EXD2: variants seen among roughly 807,000 people sequenced by gnomAD.
EXD2 encodes the protein exonuclease 3'-5' domain-containing protein 2.
Under a neutral mutation model 62.5 loss-of-function variants are expected in EXD2, and 40 were observed. The ratio of observed to expected loss-of-function variants is 0.64; its 90% CI spans 0.50 to 0.83. EXD2 has a LOEUF of 0.83. EXD2 is among the 40% of genes least tolerant of loss of function. The pLI, the probability that EXD2 is intolerant of heterozygous loss-of-function variation, is 0.00. For missense variants in EXD2, 671 were observed against 761.8 expected, an observed-to-expected ratio of 0.88 and a Z score of 1.40; for synonymous variants, 239 against 291.9, an observed-to-expected ratio of 0.82 and a Z score of 1.85.
intron 5 of EXD2, among the ~76,000 whole-genome samples, chr14:69,234,404 T>G (rs2043695220): frequency 1.3e-5 from 2 of 152,190 alleles, no homozygotes; most frequent in African/African-American, 4.8e-5. Context: ...TGGTAGTAGA[T>G]AGAAACTTCA....
chr14:69,209,540 C>T lies in EXD2; in HGVS notation c.70C>T (p.Leu24Phe). The T allele has an allele frequency of 8.4e-6, 13 of 1,550,544 alleles. No homozygotes were observed. Among genetic ancestry groups the T allele is most frequent in the Non-Finnish European group, 1.1e-5 (13 of 1,146,966 alleles). The part of the protein sequence containing the change: ...LLGVAVGGFV[L>F]WKGIQRRRRS... ...GGGTGTGGCTGTAGGGGGGTTTGTC[C>T]TCTGGAAAGGCATCCAGCGCCGCCG... Residue 24 changes from leucine (L) to phenylalanine (F), a missense_variant, in exon 3 of 10, where the codon CTC becomes TTC. Leu to Phe is a conservative substitution (Grantham distance 22). Transcript: ENST00000685843.
At chr14:69,238,614 T>TTTC (rs1171726113) in intron 9 of EXD2, among the ~76,000 whole-genome samples, 3 of 152,044 alleles carry the variant, frequency 2.0e-5, no homozygotes, top group Non-Finnish European at 2.9e-5. Context: ...TTTTTTTTTT[T>TTTC]TTCCAAATAG....
At position 69,241,449 on chromosome 14, in the gene EXD2, C is replaced by A. The variant is rs1308722827; in HGVS notation, c.*349C>A. On this transcript the variant is annotated 3_prime_UTR_variant, in exon 10 of 10. Coordinates refer to ENST00000685843, the MANE Select transcript of EXD2 (RefSeq NM_001193360.2). The stretch of plus-strand genomic sequence containing the variant: ...AGACTTAAAAAAAATGTTTTTAATG[C>A]ATTTCTTCCTTGTCTAGTGCCTCGG... 7.4e-6 allele frequency: 2 copies of A among 268,664 alleles called. No individual in the cohort carries two copies. Among genetic ancestry groups the A allele is most frequent in the Non-Finnish European group, 1.4e-5 (2 of 142,302 alleles). 16.6% of individuals were successfully genotyped at this position (268,664 alleles called of 1,614,324 possible). A position where few individuals can be genotyped will look rare whatever the true frequency, so the allele number is the denominator to read the frequency against.
intron 5 of EXD2, among the ~76,000 whole-genome samples, chr14:69,233,596 C>T (rs928159782): frequency 2.6e-5 from 4 of 151,604 alleles, no homozygotes; most frequent in Admixed American, 6.6e-5. Flanking sequence ...CGTGCCACCG[C>T]GCCCAGCTGA....
chr14:69,200,421 G>A (rs1466569166), intron 1 of EXD2, among the ~76,000 whole-genome samples: 2 of 152,074 alleles, frequency 1.3e-5, no homozygotes, highest in East Asian at 3.9e-4. Context: ...GCTAAAATGG[G>A]CCAGGCGTGG....
intron 3 of EXD2, among the ~76,000 whole-genome samples, chr14:69,221,014 A>T (rs1485605763): frequency 1.3e-5 from 2 of 152,048 alleles, no homozygotes; most frequent in Admixed American, 6.5e-5. Context: ...CTACAGGTGC[A>T]TACCACCATG....
chr14:69,194,595 C>T (rs984359244), intron 1 of EXD2, among the ~76,000 whole-genome samples: 10 of 152,122 alleles, frequency 6.6e-5, no homozygotes, highest in Non-Finnish European at 1.2e-4. Context: ...GATTCTCCCC[C>T]ATCAGCCTCC....
chr14:69,217,679 T>A (rs1242225635), intron 3 of EXD2, among the ~76,000 whole-genome samples: 1 of 152,140 alleles, frequency 6.6e-6, no homozygotes, highest in Non-Finnish European at 1.5e-5. Flanking sequence ...CCTAATGCTA[T>A]CCCTTCCCCC....
intron 3 of EXD2, among the ~76,000 whole-genome samples, chr14:69,214,860 C>A (rs1419544955): frequency 6.6e-6 from 1 of 151,822 alleles, no homozygotes; most frequent in Non-Finnish European, 1.5e-5. Context: ...GCTTCTTTTT[C>A]CAAACATTGT....
chr14:69,229,116 A>T, intron 4 of EXD2, 44 bp downstream of exon 4: 1 of 1,605,246 alleles, frequency 6.2e-7, no homozygotes, highest in Non-Finnish European at 8.5e-7. Flanking sequence ...CTGCGGGACA[A>T]ATATTTTAGC....
chr14:69,223,318 A>G (rs2043249676), intron 3 of EXD2, among the ~76,000 whole-genome samples: 2 of 152,228 alleles, frequency 1.3e-5, no homozygotes, highest in East Asian at 3.9e-4. Flanking sequence ...CAAACTTAAC[A>G]TGTTCCTAAC....
At position 69,237,777 on chromosome 14, in the gene EXD2, C is replaced by T. The variant is rs774538134; in HGVS notation, c.1495C>T (p.Arg499Cys). The T allele has an allele frequency of 3.0e-5, 48 of 1,613,442 alleles. No individual in the cohort carries two copies. Among genetic ancestry groups the T allele is most frequent in the Non-Finnish European group, 3.4e-5 (40 of 1,179,826 alleles). ...EGLRLLEDPE[R>C]RQVRSGARAL... The stretch of plus-strand genomic sequence containing the variant: ...CTTGCGCCTGCTGGAAGATCCTGAG[C>T]GCCGGCAGGTGCGTTCTGGGGCCAG... The change falls in exon 9 of 10, where the codon CGC becomes TGC. Residue 499 changes from arginine to cysteine, a missense_variant. Coordinates refer to ENST00000685843, the MANE Select transcript of EXD2 (RefSeq NM_001193360.2).
rs201571902 is a variant in EXD2, at chr14:69,240,870, T to C, written c.1650-14T>C. 90 of 1,609,104 alleles carry C rather than the reference T, an allele frequency of 5.6e-5. No individual in the cohort carries two copies. The East Asian group carries it at 1.9e-3, about 35-fold the overall frequency. ...TTGTTTCCCTCAGACACTTTGTTTTTCATGTTTTGGCAGAATCTCCAATGA... is the reference window on the plus strand; with the variant it reads ...TTGTTTCCCTCAGACACTTTGTTTTCCATGTTTTGGCAGAATCTCCAATGA... On this transcript the variant is annotated splice_polypyrimidine_tract_variant and intron_variant, in intron 9 of 9. Transcript: ENST00000685843.
intron 6 of EXD2, 34 bp downstream of exon 6, chr14:69,235,065 A>G (rs1410359213): frequency 1.3e-6 from 2 of 1,525,720 alleles, no homozygotes; most frequent in Non-Finnish European, 8.8e-7. Flanking sequence ...GTAAAGAGTC[A>G]GTGGCCCAGC....
In EXD2 at chr14:69,221,169, G is replaced by A. The variant is rs117937463; in HGVS notation, c.334-7647G>A. Reference sequence around the variant, plus strand: ...CAGGTGTGAGCCACTGTGCTTGGCCGTTGTCAGGCTTTGATTTAAAAAAGT... The same window carrying A: ...CAGGTGTGAGCCACTGTGCTTGGCCATTGTCAGGCTTTGATTTAAAAAAGT... On this transcript the variant is annotated intron_variant, in intron 3 of 9. Coordinates refer to ENST00000685843, the MANE Select transcript of EXD2 (RefSeq NM_001193360.2). 1.6e-3 allele frequency among the ~76,000 whole-genome samples: 237 copies of A among 152,188 alleles called. 1 individual carries two copies. The highest frequency in any genetic ancestry group is 3.9e-3 in the South Asian group (19 of 4,826).
At chr14:69,202,175 C>T (rs541908210) in intron 1 of EXD2, among the ~76,000 whole-genome samples, 160 of 152,032 alleles carry the variant, frequency 1.1e-3, no homozygotes, top group African/African-American at 3.6e-3. Flanking sequence ...AGTTTGAGAC[C>T]AGCCCAAGCA....
In EXD2 at chr14:69,237,869, G is replaced by A. The variant is rs144689124; in HGVS notation, c.1587G>A (p.Glu529=). The change falls in exon 9 of 10, where the codon GAG becomes GAA. Residue 529 remains glutamate (E), a synonymous_variant. Coordinates refer to ENST00000685843, the MANE Select transcript of EXD2 (RefSeq NM_001193360.2). Reference sequence around the variant, plus strand: ...AGGAGCTGCTGCAAGCACTCAGAGAGTTTTATAACACAGACGTGGTCACAG... The same window carrying A: ...AGGAGCTGCTGCAAGCACTCAGAGAATTTTATAACACAGACGTGGTCACAG... ...RKEELLQALR[E]FYNTDVVTEE... The A allele has an allele frequency of 3.5e-5, 57 of 1,610,402 alleles. No individual in the cohort carries two copies. The highest frequency in any genetic ancestry group is 5.1e-6 in the Non-Finnish European group (6 of 1,178,752).
At chr14:69,225,512 A>G (rs1437495476) in intron 3 of EXD2, among the ~76,000 whole-genome samples, 3 of 152,214 alleles carry the variant, frequency 2.0e-5, no homozygotes, top group Admixed American at 6.5e-5. Context: ...TTGTGTATAT[A>G]TAACACATTA....
chr14:69,209,915 T>G (rs1440723461), intron 3 of EXD2, 112 bp downstream of exon 3: 5 of 879,630 alleles, frequency 5.7e-6, no homozygotes, highest in Non-Finnish European at 6.5e-6. Flanking sequence ...TGAATTAGCT[T>G]GTTCTCAACT....
Sources: allele counts gnomAD v4.1 joint callset (sites outside exome capture counted in the v4.1 genomes callset), GRCh38; gene constraint gnomAD v4.1.1; transcripts MANE v1.5; gene names NCBI Gene and HGNC (gene_info 2026-07-23, HGNC 2026-07-21).